GABRR2: variants seen among roughly 807,000 people sequenced by gnomAD.
GABRR2 encodes the protein gamma-aminobutyric acid receptor subunit rho-2.
Under a neutral mutation model 47.0 loss-of-function variants are expected in GABRR2, and 36 were observed. The ratio of observed to expected loss-of-function variants is 0.77; its 90% CI spans 0.59 to 1.01. The LOEUF is 1.01. Among genes scored for constraint, GABRR2 ranks in the 50% least tolerant of loss-of-function variants. The pLI is 0.00. For missense variants in GABRR2, 587 were observed against 594.6 expected (o/e 0.99, Z 0.13); for synonymous variants, 204 against 227.5 (o/e 0.90, Z 0.93).
chr6:89,284,072 G>A (rs933411921), intron 2 of GABRR2, among the ~76,000 whole-genome samples: 1 of 152,068 alleles, frequency 6.6e-6, no homozygotes, highest in Admixed American at 6.6e-5. Context: ...AAGAGAGAGG[G>A]TCACATGCTG....
intron 1 of GABRR2, among the ~76,000 whole-genome samples, chr6:89,309,827 G>T (rs1370981188): frequency 6.6e-6 from 1 of 151,898 alleles, no homozygotes; most frequent in African/African-American, 2.4e-5. Flanking sequence ...ACCCAGGCTG[G>T]AGTGCAGTTG....
intron 2 of GABRR2, among the ~76,000 whole-genome samples, chr6:89,275,103 C>T (rs1441803380): frequency 6.6e-6 from 1 of 151,944 alleles, no homozygotes; most frequent in Non-Finnish European, 1.5e-5. Context: ...TCACATCCAG[C>T]AAAACACTGA....
In GABRR2 at chr6:89,315,263, C is replaced by A. The variant is rs148869909; in HGVS notation, c.-98G>T. The A allele has an allele frequency of 1.9e-6, 3 of 1,593,578 alleles. No individual in the cohort carries two copies. Among genetic ancestry groups the A allele is most frequent in the Non-Finnish European group, 2.6e-6 (3 of 1,168,436 alleles). On this transcript the variant is annotated 5_prime_UTR_variant, in exon 1 of 9. Coordinates refer to ENST00000402938, the MANE Select transcript of GABRR2 (RefSeq NM_002043.5). ...CATTGATCCATCTGCTGCCTCCTGA[C>A]GGGCTGCTCTGAGGGGCTGTGAGGG...
intron 2 of GABRR2, among the ~76,000 whole-genome samples, chr6:89,278,609 C>T (rs1774206422): frequency 6.6e-6 from 1 of 152,196 alleles, no homozygotes; most frequent in African/African-American, 2.4e-5. Context: ...GGGGCTTTTC[C>T]TGAGCCCCTG....
At chr6:89,288,138 T>C (rs1251679082) in intron 2 of GABRR2, among the ~76,000 whole-genome samples, 2 of 152,174 alleles carry the variant, frequency 1.3e-5, no homozygotes, top group Non-Finnish European at 2.9e-5. Context: ...ATCAATTCAA[T>C]GAACAGAATT....
intron 1 of GABRR2, among the ~76,000 whole-genome samples, chr6:89,311,180 G>A (rs1767675555): frequency 6.6e-6 from 1 of 152,214 alleles, no homozygotes; most frequent in Non-Finnish European, 1.5e-5. Context: ...CCTCCGGAAG[G>A]CAGATGAAGA....
At chr6:89,290,944 C>G (rs1774429862) in intron 2 of GABRR2, among the ~76,000 whole-genome samples, 1 of 152,178 alleles carries the variant, frequency 6.6e-6, no homozygotes, top group South Asian at 2.1e-4. Context: ...GCCTCTGGGG[C>G]TTTGCCACAG....
At chr6:89,259,883 C>CTTTTTTTTTTTT (rs59831214) in intron 8 of GABRR2, among the ~76,000 whole-genome samples, 2 of 67,640 alleles carry the variant, frequency 3.0e-5, no homozygotes, top group African/African-American at 5.9e-5. Context: ...CTCTCTCTCT[C>CTTTTTTTTTTTT]TTTTTTTTTT....
At chr6:89,270,888 T>C (rs1479703797) in intron 3 of GABRR2, among the ~76,000 whole-genome samples, 2 of 151,994 alleles carry the variant, frequency 1.3e-5, no homozygotes, top group Non-Finnish European at 2.9e-5. Context: ...AGACAACCAA[T>C]ATATAAGAAA....
At chr6:89,261,960 G>C (rs1400895090) in intron 8 of GABRR2, among the ~76,000 whole-genome samples, 1 of 151,540 alleles carries the variant, frequency 6.6e-6, no homozygotes, top group Non-Finnish European at 1.5e-5. Flanking sequence ...GACAGCATGA[G>C]CCCAGGAGAT....
intron 1 of GABRR2, among the ~76,000 whole-genome samples, chr6:89,309,173 C>T (rs1352842190): frequency 6.6e-6 from 1 of 152,198 alleles, no homozygotes; most frequent in Non-Finnish European, 1.5e-5. Context: ...AGCCATCTCA[C>T]TCAGCCACTC....
chr6:89,267,577 A>G (rs1383863105), intron 6 of GABRR2, 102 bp downstream of exon 6: 2 of 1,226,152 alleles, frequency 1.6e-6, no homozygotes, highest in African/African-American at 1.7e-5. Context: ...AAAACAAAAA[A>G]CAAAACACAC....
chr6:89,308,665 A>AC (rs1767617025), intron 1 of GABRR2, among the ~76,000 whole-genome samples: 1 of 151,288 alleles, frequency 6.6e-6, no homozygotes, highest in South Asian at 2.1e-4. Context: ...TCATTTCCCC[A>AC]CCCGCTTGAG....
chr6:89,293,752 A>G (rs1774508425), intron 2 of GABRR2, among the ~76,000 whole-genome samples: 1 of 152,238 alleles, frequency 6.6e-6, no homozygotes, highest in Non-Finnish European at 1.5e-5. Flanking sequence ...CTGCCACTGC[A>G]TTCCAGACTG....
chr6:89,311,221 C>T lies in GABRR2; in HGVS notation c.113+3832G>A, dbSNP rs897319920. Among the ~76,000 whole-genome samples, 3 of 152,220 alleles carry T rather than the reference C, an allele frequency of 2.0e-5. No individual in the cohort carries two copies. The South Asian group carries it at 6.2e-4, about 32-fold the overall frequency. On this transcript the variant is annotated intron_variant, in intron 1 of 8. Coordinates refer to ENST00000402938, the MANE Select transcript of GABRR2 (RefSeq NM_002043.5). ...GCCCGAGGGCTTAGCAGATCATAGA[C>T]ATTAAACCGTAAGTGCAGCCGGCTC...
intron 1 of GABRR2, among the ~76,000 whole-genome samples, chr6:89,306,032 AAAG>A (rs1422552390): frequency 5.3e-5 from 8 of 151,992 alleles, no homozygotes; most frequent in African/African-American, 1.9e-4. Flanking sequence ...GATGAGAAAA[AAAG>A]AAAAAGAAAA....
chr6:89,299,650 G>A (rs1774615159), intron 2 of GABRR2, 109 bp downstream of exon 2: 1 of 704,764 alleles, frequency 1.4e-6, no homozygotes, highest in Non-Finnish European at 2.5e-6. Context: ...ATGTGAGTGG[G>A]AAAATTGCAC....
chr6:89,274,491 C>G (rs1774118568), intron 2 of GABRR2, among the ~76,000 whole-genome samples: 1 of 152,152 alleles, frequency 6.6e-6, no homozygotes, highest in African/African-American at 2.4e-5. Context: ...TAAGTCCTAA[C>G]AAGTCCTATT....
rs138770952 is a variant in GABRR2 at position 89,257,942 on chromosome 6, T to A, written c.1126A>T (p.Met376Leu). 7.4e-6 allele frequency: 12 copies of A among 1,613,760 alleles called. No homozygotes were observed. The highest frequency in any genetic ancestry group is 1.0e-5 in the Non-Finnish European group (12 of 1,179,850). Residue 376 changes from methionine (M) to leucine (L), a missense_variant, in exon 9 of 9, where the codon ATG (methionine) becomes TTG (leucine). Coordinates refer to ENST00000402938, the MANE Select transcript of GABRR2 (RefSeq NM_002043.5). The stretch of plus-strand genomic sequence containing the variant: ...GACTCACTGTAGCTTCCATCCAGCA[T>A]CATGGTTTTTGAATGAAGCATTCCA... ...MCGMLHSKTM[M>L]LDGSYSESEA... is the part of the protein sequence containing the mutation.
Sources: allele counts gnomAD v4.1 joint callset (sites outside exome capture counted in the v4.1 genomes callset), GRCh38; gene constraint gnomAD v4.1.1; transcripts MANE v1.5; gene names NCBI Gene and HGNC (gene_info 2026-07-23, HGNC 2026-07-21).